The following CARMIL1 variants were observed in gnomAD, a reference collection of about 807,000 sequenced individuals.
CARMIL1 encodes the protein F-actin-uncapping protein LRRC16A.
Under a neutral mutation model 177.1 loss-of-function variants are expected in CARMIL1, and 90 were observed. That is an observed-to-expected ratio of 0.51 (90% CI 0.43 to 0.61). The LOEUF (loss-of-function observed/expected upper bound fraction) is 0.61, where lower values mean the gene tolerates loss of function less well. Among genes scored for constraint, CARMIL1 ranks in the 20% least tolerant of loss-of-function variants. The pLI, the probability that CARMIL1 is intolerant of heterozygous loss-of-function variation, is 0.00. For missense variants in CARMIL1, 1,380 were observed against 1,667.0 expected (o/e 0.83, Z 3.00); for synonymous variants, 577 against 606.2 (o/e 0.95, Z 0.71).
intron 2 of CARMIL1, among the ~76,000 whole-genome samples, chr6:25,341,760 T>C (rs1320041620): frequency 6.6e-6 from 1 of 152,178 alleles, no homozygotes; most frequent in Non-Finnish European, 1.5e-5. Context: ...GTCAAAAATA[T>C]GTTGGAGAAG....
intron 2 of CARMIL1, among the ~76,000 whole-genome samples, chr6:25,372,646 G>T (rs1247468022): frequency 1.3e-5 from 2 of 152,144 alleles, no homozygotes; most frequent in Non-Finnish European, 2.9e-5. Flanking sequence ...TCTTTTGGAG[G>T]AGTCTTTAGG....
chr6:25,567,119 G>A (rs1811625993), intron 29 of CARMIL1, among the ~76,000 whole-genome samples: 1 of 152,200 alleles, frequency 6.6e-6, no homozygotes, highest in South Asian at 2.1e-4. Context: ...AGTAGCTGCA[G>A]CTGAAAGCCC....
At chr6:25,514,256 G>A (rs1335622176) in intron 20 of CARMIL1, among the ~76,000 whole-genome samples, 2 of 152,060 alleles carry the variant, frequency 1.3e-5, no homozygotes, top group African/African-American at 2.4e-5. Context: ...AAATAAAAAC[G>A]TCACACAAGG....
At chr6:25,358,146 G>T (rs778282433) in intron 2 of CARMIL1, among the ~76,000 whole-genome samples, 1 of 152,206 alleles carries the variant, frequency 6.6e-6, no homozygotes, top group African/African-American at 2.4e-5. Context: ...AACCATTTCT[G>T]AGCAAAATTG....
At chr6:25,345,244 G>A (rs940070766) in intron 2 of CARMIL1, among the ~76,000 whole-genome samples, 2 of 152,154 alleles carry the variant, frequency 1.3e-5, no homozygotes, top group African/African-American at 4.8e-5. Flanking sequence ...TTACAGGACT[G>A]CTTGGACACA....
At chr6:25,313,863 C>A (rs1399736575) in intron 2 of CARMIL1, among the ~76,000 whole-genome samples, 1 of 151,312 alleles carries the variant, frequency 6.6e-6, no homozygotes, top group Non-Finnish European at 1.5e-5. Context: ...GCATGAGAAA[C>A]CACAGGATGT....
chr6:25,564,243 G>A (rs1361761480), intron 29 of CARMIL1, among the ~76,000 whole-genome samples: 1 of 152,154 alleles, frequency 6.6e-6, no homozygotes, highest in Non-Finnish European at 1.5e-5. Flanking sequence ...GCTCATGCAT[G>A]ATCTTATTAT....
Position 25,420,223 on chromosome 6 carries a change from T to C in CARMIL1, c.189+59T>C, listed in dbSNP as rs928211406. 1.7e-5 allele frequency: 25 copies of C among 1,488,478 alleles called. No individual in the cohort carries two copies. In the Admixed American group the frequency reaches 3.5e-4, roughly 21 times the overall value. The allele number at this position is 1,488,478 out of a possible 1,614,324, so 92.2% of individuals were successfully genotyped here. On this transcript the variant is annotated intron_variant, in intron 3 of 36. Coordinates refer to ENST00000329474, the MANE Select transcript of CARMIL1 (RefSeq NM_017640.6). ...ACACTCACTCATACCCACTCATGCATAGTCACTCATGCATTCTTACATGTG... is the reference window on the plus strand; with the variant it reads ...ACACTCACTCATACCCACTCATGCACAGTCACTCATGCATTCTTACATGTG...
At chr6:25,297,896 C>T (rs1782546526) in intron 2 of CARMIL1, among the ~76,000 whole-genome samples, 1 of 152,108 alleles carries the variant, frequency 6.6e-6, no homozygotes, top group African/African-American at 2.4e-5. Context: ...TATATTTAGC[C>T]TTAAATTCAG....
intron 32 of CARMIL1, among the ~76,000 whole-genome samples, chr6:25,598,086 G>GT (rs1236520378): frequency 2.6e-5 from 4 of 151,872 alleles, no homozygotes; most frequent in African/African-American, 9.7e-5. Flanking sequence ...CCTGAGGTGG[G>GT]TTTTTTATTT....
At chr6:25,468,444 A>G (rs1562180010) in intron 9 of CARMIL1, among the ~76,000 whole-genome samples, 1 of 152,178 alleles carries the variant, frequency 6.6e-6, no homozygotes, top group South Asian at 2.1e-4. Context: ...GCAATAGTTC[A>G]TTTATTACTC....
At chr6:25,459,274 T>TTCTCTTTCTTTCTTTCTTTC (rs1302680954) in intron 8 of CARMIL1, among the ~76,000 whole-genome samples, 2 of 30,990 alleles carry the variant, frequency 6.5e-5, no homozygotes, top group African/African-American at 1.8e-4. Flanking sequence ...TTCTTTTTTT[T>TTCTCTTTCTTTCTTTCTTTC]TTTTTTAAGA....
At chr6:25,587,521 T>A (rs1192519061) in intron 31 of CARMIL1, among the ~76,000 whole-genome samples, 1 of 152,218 alleles carries the variant, frequency 6.6e-6, no homozygotes, top group Non-Finnish European at 1.5e-5. Context: ...CATCCTTTAC[T>A]TAAAAACATT....
chr6:25,606,414 A>G (rs1472696813), intron 35 of CARMIL1, 141 bp downstream of exon 35: 2 of 705,756 alleles, frequency 2.8e-6, no homozygotes, highest in Non-Finnish European at 4.6e-6. Context: ...CAAGAAACCT[A>G]TGCAAAGCTG....
chr6:25,529,529 A>G (rs755118007), intron 24 of CARMIL1, among the ~76,000 whole-genome samples: 18 of 152,224 alleles, frequency 1.2e-4, no homozygotes, highest in Non-Finnish European at 2.4e-4. Context: ...TGTGTCAAAG[A>G]GCGAGATGAA....
intron 26 of CARMIL1, among the ~76,000 whole-genome samples, chr6:25,542,979 C>A (rs1389799269): frequency 6.6e-6 from 1 of 152,092 alleles, no homozygotes; most frequent in African/African-American, 2.4e-5. Flanking sequence ...TTCCCACATT[C>A]TCTAAAATTA....
intron 20 of CARMIL1, among the ~76,000 whole-genome samples, chr6:25,512,218 G>T (rs1475728812): frequency 6.6e-6 from 1 of 152,134 alleles, no homozygotes; most frequent in Non-Finnish European, 1.5e-5. Flanking sequence ...TGCTCATTAT[G>T]TGAGGTTCTT....
At chr6:25,602,847 AATATGTTTAAAGAAAAAGAACTGTAAG>A (rs1325873538) in intron 33 of CARMIL1, among the ~76,000 whole-genome samples, 10 of 152,212 alleles carry the variant, frequency 6.6e-5, no homozygotes, top group African/African-American at 2.4e-4. Context: ...TATACATATA[AATATGTTTAAAGAAAAAGAACTGTAAG>A]TATGAAGATA....
rs191098420 is a variant in CARMIL1, at chr6:25,551,712, A to G, written c.2504+627A>G. Among the ~76,000 whole-genome samples the G allele has an allele frequency of 4.2e-4, 64 of 152,342 alleles. 1 individual carries two copies. The highest frequency in any genetic ancestry group is 1.5e-3 in the African/African-American group (63 of 41,588). On this transcript the variant is annotated intron_variant, in intron 27 of 36. Coordinates refer to ENST00000329474, the MANE Select transcript of CARMIL1 (RefSeq NM_017640.6). Reference sequence around the variant, plus strand: ...AACAGTATTACATTATAGCTCAGCTAATTCTCATAATGTTTCTTAGTTGGG... The same window carrying G: ...AACAGTATTACATTATAGCTCAGCTGATTCTCATAATGTTTCTTAGTTGGG...
Sources: gnomAD v4.1 joint callset for allele counts (sites outside exome capture counted in the v4.1 genomes callset) on GRCh38, gnomAD v4.1.1 for gene constraint, MANE v1.5 for transcripts, NCBI Gene and HGNC (gene_info 2026-07-23, HGNC 2026-07-21) for gene names.